Variants in RBM34 observed in about 807,000 individuals in gnomAD.
The protein encoded by RBM34 is RNA binding motif protein 34.
RBM34 carries 39 observed loss-of-function variants against 44.6 expected under a neutral mutation model. The observed-to-expected ratio is 0.87, with a 90% CI of 0.68 to 1.14. The LOEUF is 1.14. Ranked by LOEUF, RBM34 falls within the 50% of genes most tolerant of loss-of-function variation. The probability of loss-of-function intolerance (pLI) is 0.00; values close to 1 mark genes in which losing one functional copy is unlikely to be tolerated. For missense variants in RBM34, 572 were observed against 517.9 expected, an observed-to-expected ratio of 1.10 and a Z score of -1.01; for synonymous variants, 194 against 184.0, an observed-to-expected ratio of 1.05 and a Z score of -0.44.
intron 6 of RBM34, among the ~76,000 whole-genome samples, chr1:235,138,732 C>T (rs1209102235): frequency 6.6e-6 from 1 of 152,186 alleles, no homozygotes; most frequent in Non-Finnish European, 1.5e-5. Context: ...GTGGTTTTAT[C>T]AACCAAGTGT....
intron 3 of RBM34, among the ~76,000 whole-genome samples, chr1:235,157,352 C>T (rs766641981): frequency 3.9e-5 from 6 of 152,048 alleles, no homozygotes; most frequent in Admixed American, 6.6e-5. Context: ...CATCAGGACT[C>T]GGCAACTGAT....
intron 6 of RBM34, among the ~76,000 whole-genome samples, chr1:235,141,156 T>G (rs1191228046): frequency 6.6e-6 from 1 of 151,878 alleles, no homozygotes; most frequent in African/African-American, 2.4e-5. Context: ...TGTGTTTAGC[T>G]CAAGGTTTGT....
intron 10 of RBM34, among the ~76,000 whole-genome samples, chr1:235,134,198 T>A (rs1023411853): frequency 6.6e-6 from 1 of 152,122 alleles, no homozygotes; most frequent in African/African-American, 2.4e-5. Flanking sequence ...GATTTTTGTA[T>A]TTTTTTGTAG....
At chr1:235,156,602 A>G (rs1341763334) in intron 3 of RBM34, 2 of 446,056 alleles carry the variant, frequency 4.5e-6, no homozygotes, top group South Asian at 3.4e-5. Flanking sequence ...TACCAAAAGT[A>G]AATTGTGAAA....
In RBM34 at chr1:235,135,740, A is replaced by G. The variant is rs1166501527; in HGVS notation, c.920T>C (p.Phe307Ser). 2 of 1,614,096 alleles carry G rather than the reference A, an allele frequency of 1.2e-6. No homozygotes were observed. The highest frequency in any genetic ancestry group is 8.5e-7 in the Non-Finnish European group (1 of 1,180,032). The change falls in exon 10 of 11, where the codon TTT becomes TCT. Residue 307 changes from phenylalanine (F) to serine (S), a missense_variant. Physicochemically the swap from Phe to Ser is radical, Grantham distance 155. Transcript: ENST00000408888. ...KVEESAIEKH[F>S]LDCGSIMAVR... ...GGCCATGATACTTCCACAGTCCAGA[A>G]AGTGCTTCTCAATGGCAGATTCTTC...
intron 5 of RBM34, among the ~76,000 whole-genome samples, chr1:235,149,716 T>G (rs954989429): frequency 1.3e-5 from 2 of 152,148 alleles, no homozygotes; most frequent in African/African-American, 2.4e-5. Context: ...GTCGACAACA[T>G]GCCAAATGCA....
At chr1:235,139,838 G>A (rs145761967) in intron 6 of RBM34, among the ~76,000 whole-genome samples, 124 of 152,286 alleles carry the variant, frequency 8.1e-4, no homozygotes, top group Admixed American at 1.2e-3. Flanking sequence ...TACGATGGCC[G>A]AGCACAGGGG....
intron 3 of RBM34, among the ~76,000 whole-genome samples, chr1:235,156,415 A>G (rs1662445621): frequency 6.6e-6 from 1 of 152,018 alleles, no homozygotes; most frequent in Admixed American, 6.6e-5. Context: ...TTTAGTTTAC[A>G]CTCTATCAAT....
chr1:235,152,748 A>AATT lies in RBM34; in HGVS notation c.614_615insAAT (p.Phe205delinsLeuIle). ...CAGATTCTATTTGTCCATACTCTTT[A>AATT]AAAAACGACTTCAGCTTCTAAAATT... On this transcript the variant is annotated protein_altering_variant, in exon 5 of 11. Coordinates refer to ENST00000408888, the MANE Select transcript of RBM34 (RefSeq NM_015014.4). 1.3e-6 allele frequency: 2 copies of AATT among 1,586,634 alleles called. No individual in the cohort carries two copies. Among genetic ancestry groups the AATT allele is most frequent in the South Asian group, 2.4e-5 (2 of 84,722 alleles).
intron 3 of RBM34, among the ~76,000 whole-genome samples, chr1:235,155,824 T>TATAC (rs1662389228): frequency 1.3e-4 from 1 of 7,682 alleles, no homozygotes; most frequent in African/African-American, 7.6e-4. Flanking sequence ...TACATATACA[T>TATAC]ATATATATAT....
At chr1:235,153,542 A>G (rs977564588) in intron 4 of RBM34, among the ~76,000 whole-genome samples, 34 of 151,362 alleles carry the variant, frequency 2.2e-4, no homozygotes, top group African/African-American at 8.0e-4. Flanking sequence ...CTCCTGCCTT[A>G]GCCTTCAAAG....
chr1:235,138,783 G>T (rs978733551), intron 6 of RBM34, among the ~76,000 whole-genome samples: 3 of 150,754 alleles, frequency 2.0e-5, no homozygotes, highest in African/African-American at 7.4e-5. Context: ...CTATACTTTT[G>T]ACCTGATATG....
intron 10 of RBM34, 126 bp downstream of exon 10, chr1:235,135,526 G>C: frequency 1.2e-6 from 1 of 850,920 alleles, no homozygotes; most frequent in South Asian, 1.5e-5. Flanking sequence ...ACTGCACCTA[G>C]CCCAGTTTTC....
chr1:235,135,649 T>C lies in RBM34; in HGVS notation c.1008+3A>G, dbSNP rs752816847. ...ACAGTGACAATGCATTAGTCTCCCA[T>C]ACCTCAAAGAGCACATAGCCAAACC... On this transcript the variant is annotated splice_donor_region_variant and intron_variant, in intron 10 of 10. Coordinates refer to ENST00000408888, the MANE Select transcript of RBM34 (RefSeq NM_015014.4). 1.9e-6 allele frequency: 3 copies of C among 1,609,744 alleles called. No homozygotes were observed. The highest frequency in any genetic ancestry group is 1.1e-5 in the South Asian group (1 of 91,014).
Position 235,160,576 on chromosome 1 carries a change from T to C in RBM34, c.300A>G (p.Gln100=). ...TCGCTTTCACTTTTTTGGCAGGTTC[T>C]TGCGAAAGTGGTCTTTCAATCTGGG... ...STSQIERPLS[Q]EPAKKVKAKK... The change falls in exon 3 of 11, where the codon CAA becomes CAG. Residue 100 remains glutamine (Q), a synonymous_variant. Coordinates refer to ENST00000408888, the MANE Select transcript of RBM34 (RefSeq NM_015014.4). 6 of 1,614,156 alleles carry C rather than the reference T, an allele frequency of 3.7e-6. No homozygotes were observed. The highest frequency in any genetic ancestry group is 5.1e-6 in the Non-Finnish European group (6 of 1,180,012).
chr1:235,132,110 C>G (rs1349139917), intron 10 of RBM34, 113 bp from the exon 11 acceptor site: 1 of 932,372 alleles, frequency 1.1e-6, no homozygotes, highest in Non-Finnish European at 1.6e-6. Context: ...ACAGATAAGC[C>G]CCATCCAATC....
At chr1:235,140,816 A>G (rs780372024) in intron 6 of RBM34, among the ~76,000 whole-genome samples, 31 of 152,140 alleles carry the variant, frequency 2.0e-4, no homozygotes, top group Admixed American at 3.3e-4. Context: ...AAATACACCA[A>G]TCAGCACCCT....
intron 3 of RBM34, among the ~76,000 whole-genome samples, chr1:235,156,965 A>C (rs745648361): frequency 1.1e-4 from 16 of 152,024 alleles, no homozygotes; most frequent in Non-Finnish European, 1.9e-4. Context: ...GACTGCTATT[A>C]CTCCTCCCCT....
intron 7 of RBM34, 45 bp from the exon 8 acceptor site, chr1:235,137,985 C>A (rs748401686): frequency 7.7e-6 from 12 of 1,553,096 alleles, no homozygotes; most frequent in Non-Finnish European, 9.7e-6. Context: ...AAAATGAGCA[C>A]TCGATTACTA....
Sources: allele counts gnomAD v4.1 joint callset (sites outside exome capture counted in the v4.1 genomes callset), GRCh38; gene constraint gnomAD v4.1.1; transcripts MANE v1.5; gene names NCBI Gene and HGNC (gene_info 2026-07-23, HGNC 2026-07-21).